Variants in ANKRD30B observed in about 807,000 individuals in gnomAD.
ANKRD30B encodes ankyrin repeat domain-containing protein 30B.
ANKRD30B carries 144 observed loss-of-function variants against 202.2 expected under a neutral mutation model. The observed-to-expected ratio is 0.71, with a 90% CI of 0.62 to 0.82. ANKRD30B has a LOEUF of 0.82. Ranked by LOEUF, ANKRD30B falls within the 40% of genes least tolerant of loss-of-function variation. The pLI, the probability that ANKRD30B is intolerant of heterozygous loss-of-function variation, is 0.00. For synonymous variants in ANKRD30B, 508 were observed against 561.3 expected, an observed-to-expected ratio of 0.91 and a Z score of 1.34; for missense variants, 1,487 against 1,669.1, an observed-to-expected ratio of 0.89 and a Z score of 1.90.
chr18:14,868,669 C>T, the ANKRD30B span, among the ~76,000 whole-genome samples: 13 of 152,332 alleles, frequency 8.5e-5, no homozygotes, highest in Non-Finnish European at 1.2e-4. Context: ...AGGCTTAGAC[C>T]GGTATCACTT....
At chr18:14,872,705 T>C in the ANKRD30B span, among the ~76,000 whole-genome samples, 8 of 152,144 alleles carry the variant, frequency 5.3e-5, no homozygotes, top group East Asian at 9.7e-4. Flanking sequence ...TTCTTAATGC[T>C]CCCCACACAT....
intron 3 of ANKRD30B, among the ~76,000 whole-genome samples, chr18:14,754,570 A>G (rs1914025667): frequency 1.3e-5 from 2 of 152,128 alleles, no homozygotes; most frequent in African/African-American, 2.4e-5. Flanking sequence ...ATTTACTACT[A>G]TGTCTTAGGG....
intron 30 of ANKRD30B, among the ~76,000 whole-genome samples, chr18:14,817,288 C>T (rs1360052570): frequency 6.6e-6 from 1 of 152,166 alleles, no homozygotes; most frequent in African/African-American, 2.4e-5. Context: ...ATAGCCATTA[C>T]AAATGTGGCT....
downstream of ANKRD30B, among the ~76,000 whole-genome samples, chr18:14,855,006 A>G (rs1186202054): frequency 6.6e-6 from 1 of 152,098 alleles, no homozygotes; most frequent in Non-Finnish European, 1.5e-5. Flanking sequence ...TCAGCAGATA[A>G]ACACGTGAAC....
At chr18:14,771,098 C>A (rs1966975491) in intron 8 of ANKRD30B, among the ~76,000 whole-genome samples, 1 of 152,158 alleles carries the variant, frequency 6.6e-6, no homozygotes, top group South Asian at 2.1e-4. Context: ...CATGCTTATG[C>A]TGGAGGTGAA....
At chr18:14,929,653 T>C in the ANKRD30B span, among the ~76,000 whole-genome samples, 14 of 152,258 alleles carry the variant, frequency 9.2e-5, no homozygotes, top group South Asian at 2.9e-3. Flanking sequence ...AAGTATTCGT[T>C]GAGGACTTGG....
the ANKRD30B span, among the ~76,000 whole-genome samples, chr18:14,903,086 G>A: frequency 6.6e-6 from 1 of 152,202 alleles, no homozygotes; most frequent in South Asian, 2.1e-4. Flanking sequence ...CTCTTGGGGA[G>A]CACCAGCCCT....
intron 3 of ANKRD30B, 103 bp downstream of exon 3, chr18:14,753,115 T>G: frequency 1.0e-6 from 1 of 956,004 alleles, no homozygotes; most frequent in Non-Finnish European, 1.4e-6. Flanking sequence ...ATTCCTTGAG[T>G]GAAAATAATT....
chr18:14,868,617 G>T, the ANKRD30B span, among the ~76,000 whole-genome samples: 3 of 152,240 alleles, frequency 2.0e-5, no homozygotes, highest in Non-Finnish European at 4.4e-5. Context: ...CCCTGCCTCT[G>T]GGCACCCTTT....
intron 3 of ANKRD30B, among the ~76,000 whole-genome samples, chr18:14,753,515 C>G (rs1317942056): frequency 6.6e-6 from 1 of 152,136 alleles, no homozygotes; most frequent in African/African-American, 2.4e-5. Flanking sequence ...GAACTTACCT[C>G]TTTTGCCTCT....
chr18:14,808,367 C>A (rs1334264540), intron 24 of ANKRD30B, 184 bp from the exon 25 acceptor site: 2 of 657,918 alleles, frequency 3.0e-6, no homozygotes, highest in Non-Finnish European at 5.6e-6. Flanking sequence ...TTTAAATTTT[C>A]TTAAGTATAT....
intron 40 of ANKRD30B, 59 bp downstream of exon 40, chr18:14,848,988 T>A (rs1481765287): frequency 1.7e-5 from 23 of 1,366,470 alleles, no homozygotes; most frequent in Admixed American, 3.4e-5. Flanking sequence ...GTATGTAGGA[T>A]ACTTTTTGTA....
At position 14,800,268 on chromosome 18, in the gene ANKRD30B, TCTGA is replaced by T. The variant is rs1202038857; in HGVS notation, c.2131+976_2131+979del. ...TAAATTCACAACATATGTGTGTGGTTCTGACTATGTGTAGAATTTGTTTTGACGT... is the reference window on the plus strand; with the variant it reads ...TAAATTCACAACATATGTGTGTGGTTCTATGTGTAGAATTTGTTTTGACGT... On this transcript the variant is annotated intron_variant, in intron 22 of 43. Transcript: ENST00000690538. Among the ~76,000 whole-genome samples, 10 of 150,156 alleles carry T rather than the reference TCTGA, an allele frequency of 6.7e-5. 1 individual carries two copies. Among genetic ancestry groups the T allele is most frequent in the African/African-American group, 2.3e-4 (9 of 39,754 alleles).
intron 1 of ANKRD30B, among the ~76,000 whole-genome samples, chr18:14,751,757 G>A (rs1319406758): frequency 6.6e-6 from 1 of 152,036 alleles, no homozygotes; most frequent in Non-Finnish European, 1.5e-5. Context: ...TTAACAATTT[G>A]TTGTTTTTAT....
chr18:14,797,415 C>T (rs1968982856), intron 18 of ANKRD30B, among the ~76,000 whole-genome samples: 1 of 152,154 alleles, frequency 6.6e-6, no homozygotes, highest in South Asian at 2.1e-4. Context: ...TTACACAATC[C>T]TGCATGCAGT....
intron 16 of ANKRD30B, among the ~76,000 whole-genome samples, chr18:14,791,881 G>T (rs1568015944): frequency 6.6e-6 from 1 of 152,146 alleles, no homozygotes; most frequent in Non-Finnish European, 1.5e-5. Context: ...ATTGGGCATG[G>T]TTAGAAATTT....
chr18:14,795,021 C>T (rs528495705), intron 16 of ANKRD30B, among the ~76,000 whole-genome samples: 1 of 152,280 alleles, frequency 6.6e-6, no homozygotes, highest in East Asian at 1.9e-4. Context: ...GGCTTAACAA[C>T]TCACATGGTA....
At chr18:14,859,925 G>C in the ANKRD30B span, among the ~76,000 whole-genome samples, 1 of 122,000 alleles carries the variant, frequency 8.2e-6, no homozygotes, top group Non-Finnish European at 1.7e-5. Context: ...CCTACCAGAT[G>C]ATGGGCAGCT....
At position 14,804,505 on chromosome 18, in the gene ANKRD30B, G is replaced by A. The variant is rs1365036179; in HGVS notation, c.2284+681G>A. On this transcript the variant is annotated intron_variant, in intron 24 of 43. Transcript: ENST00000690538. ...TAACAATTCACACTGTGATTCAGCCGACTAGGGATTCTGCATTTTTAGTAA... is the reference window on the plus strand; with the variant it reads ...TAACAATTCACACTGTGATTCAGCCAACTAGGGATTCTGCATTTTTAGTAA... Among the ~76,000 whole-genome samples, 6 of 149,186 alleles carry A rather than the reference G, an allele frequency of 4.0e-5. 1 individual carries two copies. The highest frequency in any genetic ancestry group is 5.9e-5 in the Non-Finnish European group (4 of 67,332).
Sources: gnomAD v4.1 joint callset for allele counts (sites outside exome capture counted in the v4.1 genomes callset) on GRCh38, gnomAD v4.1.1 for gene constraint, MANE v1.5 for transcripts, NCBI Gene and HGNC (gene_info 2026-07-23, HGNC 2026-07-21) for gene names.